The following ROBO1 variants were observed in gnomAD, a reference collection of about 807,000 sequenced individuals.
The protein encoded by ROBO1 is roundabout guidance receptor 1.
ROBO1 carries 149 observed loss-of-function variants against 195.9 expected under a neutral mutation model. That is an observed-to-expected ratio of 0.76 (90% CI 0.67 to 0.87). The LOEUF (loss-of-function observed/expected upper bound fraction) is 0.87. Ranked by LOEUF, ROBO1 falls within the 40% of genes least tolerant of loss-of-function variation. ROBO1 has a pLI of 0.00. For synonymous variants in ROBO1, 816 were observed against 733.2 expected (o/e 1.11, Z -1.82); for missense variants, 1,933 against 2,068.3 (o/e 0.93, Z 1.27).
chr3:79,549,274 TTA>T (rs1423484939), intron 2 of ROBO1, among the ~76,000 whole-genome samples: 3 of 152,182 alleles, frequency 2.0e-5, no homozygotes, highest in African/African-American at 7.2e-5. Flanking sequence ...TTCAAGGAGC[TTA>T]TGATATATAA....
intron 9 of ROBO1, among the ~76,000 whole-genome samples, chr3:78,687,976 A>G (rs1054453876): frequency 1.3e-5 from 2 of 152,174 alleles, no homozygotes; most frequent in Non-Finnish European, 1.5e-5. Context: ...GAGATGAGAC[A>G]AAAATATATT....
intron 3 of ROBO1, among the ~76,000 whole-genome samples, chr3:78,957,381 T>TAG (rs1169345330): frequency 6.6e-6 from 1 of 151,044 alleles, no homozygotes; most frequent in Middle Eastern, 3.2e-3. Flanking sequence ...TTCTAGTTAT[T>TAG]AAAGTTTCAA....
At chr3:79,232,385 T>C (rs1055520280) in intron 2 of ROBO1, among the ~76,000 whole-genome samples, 2 of 148,838 alleles carry the variant, frequency 1.3e-5, no homozygotes, top group Non-Finnish European at 3.0e-5. Context: ...ATAAAAGATA[T>C]AGAGAGTCGA....
chr3:78,766,472 C>T (rs2083230924), intron 4 of ROBO1, among the ~76,000 whole-genome samples: 2 of 152,092 alleles, frequency 1.3e-5, no homozygotes, highest in South Asian at 4.1e-4. Context: ...ATCTTGTATC[C>T]GGAAATTTTG....
chr3:79,164,758 C>A (rs1308780908), intron 2 of ROBO1, among the ~76,000 whole-genome samples: 1 of 152,168 alleles, frequency 6.6e-6, no homozygotes, highest in Non-Finnish European at 1.5e-5. Flanking sequence ...CCTCTCTGAT[C>A]TCATTCCCGA....
chr3:79,725,505 C>T (rs1030260067), intron 1 of ROBO1, among the ~76,000 whole-genome samples: 1 of 152,058 alleles, frequency 6.6e-6, no homozygotes, highest in Non-Finnish European at 1.5e-5. Flanking sequence ...GGATTACAGG[C>T]GTGAGCCACC....
intron 3 of ROBO1, among the ~76,000 whole-genome samples, chr3:78,960,779 AACAC>A (rs751349324): frequency 0.22 from 26,761 of 123,800 alleles, 2,835 homozygotes; most frequent in South Asian, 0.35. Flanking sequence ...TCCGTATTAA[AACAC>A]ACACACACAC....
intron 14 of ROBO1, among the ~76,000 whole-genome samples, chr3:78,663,734 A>T (rs1256690596): frequency 6.6e-6 from 1 of 152,204 alleles, no homozygotes; most frequent in Non-Finnish European, 1.5e-5. Context: ...TCCTCAGAGC[A>T]GGGATTGTGG....
At chr3:79,337,183 T>A (rs1422620495) in intron 2 of ROBO1, among the ~76,000 whole-genome samples, 1 of 152,168 alleles carries the variant, frequency 6.6e-6, no homozygotes, top group Non-Finnish European at 1.5e-5. Flanking sequence ...AATGCTGAAA[T>A]AAGACTTTGG....
Position 78,661,609 on chromosome 3 carries a change from T to C in ROBO1, c.2089-348A>G, listed in dbSNP as rs543776509. 7.2e-5 allele frequency among the ~76,000 whole-genome samples: 11 copies of C among 152,322 alleles called. No individual in the cohort carries two copies. The South Asian group carries it at 1.0e-3, about 14-fold the overall frequency. ...CAGCTCTGACATTGCATGTAGGACA[T>C]CCCTGGGTCAAGGGGATGAGAAGCT... On this transcript the variant is annotated intron_variant, in intron 15 of 30. Transcript: ENST00000464233.
At chr3:79,085,354 T>C (rs1352746878) in intron 3 of ROBO1, among the ~76,000 whole-genome samples, 1 of 152,176 alleles carries the variant, frequency 6.6e-6, no homozygotes, top group East Asian at 1.9e-4. Flanking sequence ...CACAAAAATT[T>C]AGAAACACTA....
At chr3:79,285,150 T>C (rs573057193) in intron 2 of ROBO1, among the ~76,000 whole-genome samples, 31 of 152,306 alleles carry the variant, frequency 2.0e-4, no homozygotes, top group African/African-American at 7.5e-4. Flanking sequence ...TTACGAAGCA[T>C]TTATTCAAGA....
intron 1 of ROBO1, among the ~76,000 whole-genome samples, chr3:79,688,093 A>G (rs1947184277): frequency 6.6e-6 from 1 of 151,798 alleles, no homozygotes; most frequent in African/African-American, 2.4e-5. Flanking sequence ...GCTGGAAACC[A>G]TCATTCTCAG....
At chr3:78,678,511 G>C (rs1439753153) in intron 10 of ROBO1, among the ~76,000 whole-genome samples, 1 of 152,166 alleles carries the variant, frequency 6.6e-6, no homozygotes, top group Non-Finnish European at 1.5e-5. Context: ...CAATCCCACA[G>C]AAATACAAAC....
chr3:78,880,689 C>T (rs2036126625), intron 4 of ROBO1, among the ~76,000 whole-genome samples: 1 of 152,186 alleles, frequency 6.6e-6, no homozygotes, highest in Non-Finnish European at 1.5e-5. Flanking sequence ...AGTTGGAGAT[C>T]TAACCCTTTA....
intron 2 of ROBO1, among the ~76,000 whole-genome samples, chr3:79,218,777 A>T: frequency 6.6e-6 from 1 of 152,020 alleles, no homozygotes; most frequent in South Asian, 2.1e-4. Context: ...AAACTTATTG[A>T]TCAATGCAAA....
At chr3:79,347,773 C>A (rs2109251180) in intron 2 of ROBO1, among the ~76,000 whole-genome samples, 1 of 152,224 alleles carries the variant, frequency 6.6e-6, no homozygotes, top group African/African-American at 2.4e-5. Flanking sequence ...GATATAACAA[C>A]AAATGTAGAA....
At chr3:78,988,556 A>C (rs960285806) in intron 3 of ROBO1, among the ~76,000 whole-genome samples, 2 of 152,180 alleles carry the variant, frequency 1.3e-5, no homozygotes, top group African/African-American at 4.8e-5. Context: ...GGTCCAAGAT[A>C]ATCATTGACA....
intron 1 of ROBO1, among the ~76,000 whole-genome samples, chr3:79,729,385 T>C (rs754677555): frequency 4.7e-4 from 72 of 152,136 alleles, no homozygotes; most frequent in Non-Finnish European, 8.1e-4. Flanking sequence ...GCACAGAAAT[T>C]CATATAAAGC....
Sources: gnomAD v4.1 joint callset for allele counts (sites outside exome capture counted in the v4.1 genomes callset) on GRCh38, gnomAD v4.1.1 for gene constraint, MANE v1.5 for transcripts, NCBI Gene and HGNC (gene_info 2026-07-23, HGNC 2026-07-21) for gene names.